VEZT: variants seen among roughly 807,000 people sequenced by gnomAD.
VEZT encodes vezatin.
In VEZT, 39 loss-of-function variants were observed where a neutral mutation model predicts 79.9. That is an observed-to-expected ratio of 0.49 (90% CI 0.38 to 0.64). The LOEUF is 0.64. Among genes scored for constraint, VEZT ranks in the 30% least tolerant of loss-of-function variants. The pLI is 0.00. For synonymous variants in VEZT, 325 were observed against 327.6 expected (o/e 0.99, Z 0.09); for missense variants, 837 against 893.1 (o/e 0.94, Z 0.80).
intron 1 of VEZT, among the ~76,000 whole-genome samples, chr12:95,245,956 G>A (rs1333977055): frequency 6.6e-6 from 1 of 152,204 alleles, no homozygotes; most frequent in African/African-American, 2.4e-5. Flanking sequence ...TCCAGCCTGG[G>A]TGACAGAGAA....
At chr12:95,269,688 A>G (rs2066220662) in intron 5 of VEZT, 1 of 167,872 alleles carries the variant, frequency 6.0e-6, no homozygotes, top group African/African-American at 2.4e-5. Context: ...TCTCTAATAT[A>G]TGTTAGCAAG....
chr12:95,226,073 G>A (rs1484999802), intron 1 of VEZT, among the ~76,000 whole-genome samples: 3 of 149,028 alleles, frequency 2.0e-5, no homozygotes, highest in Non-Finnish European at 4.4e-5. Context: ...CTGCCTTGGT[G>A]ACAGATTGAG....
intron 1 of VEZT, among the ~76,000 whole-genome samples, chr12:95,246,796 T>A (rs1281711375): frequency 4.6e-5 from 7 of 152,184 alleles, no homozygotes; most frequent in Admixed American, 1.3e-4. Flanking sequence ...AAATTATAGT[T>A]TGAATCCAGT....
intron 1 of VEZT, among the ~76,000 whole-genome samples, chr12:95,246,338 G>T (rs2061716265): frequency 6.6e-6 from 1 of 152,112 alleles, no homozygotes; most frequent in African/African-American, 2.4e-5. Context: ...GGCCAAACTG[G>T]TCTCGAACTC....
chr12:95,278,797 C>T (rs755641795), intron 7 of VEZT, among the ~76,000 whole-genome samples: 7 of 152,232 alleles, frequency 4.6e-5, no homozygotes, highest in Admixed American at 3.3e-4. Flanking sequence ...GGCCTGGCAC[C>T]GTGGCTCACG....
At chr12:95,234,148 AT>A (rs1457108587) in intron 1 of VEZT, among the ~76,000 whole-genome samples, 1 of 151,954 alleles carries the variant, frequency 6.6e-6, no homozygotes, top group Non-Finnish European at 1.5e-5. Flanking sequence ...ACCCATTTGT[AT>A]TTTTTTCTTT....
rs1209081231 is a variant in VEZT at position 95,239,998 on chromosome 12, GAC to G, written c.37-11940_37-11939del. Among the ~76,000 whole-genome samples, 724 of 142,230 alleles carry G rather than the reference GAC, an allele frequency of 5.1e-3. 5 individuals carry two copies. Among genetic ancestry groups the G allele is most frequent in the African/African-American group, 6.6e-3 (251 of 37,902 alleles). 93.3% of individuals were successfully genotyped at this position (142,230 alleles called of 152,430 possible). ...AGAGAGAGAGGAGAGAGAGAGAGGA[GAC>G]AGAGAGAGAAAGAGAGAAAGAAAGG... On this transcript the variant is annotated intron_variant, in intron 1 of 11. Coordinates refer to ENST00000436874, the MANE Select transcript of VEZT (RefSeq NM_017599.4).
At chr12:95,262,735 A>T (rs968572407) in intron 3 of VEZT, among the ~76,000 whole-genome samples, 171 bp from the exon 4 acceptor site, 4 of 152,264 alleles carry the variant, frequency 2.6e-5, no homozygotes, top group Non-Finnish European at 4.4e-5. Flanking sequence ...TCACATTTAC[A>T]GTGAAAATAA....
At chr12:95,286,779 T>G in intron 8 of VEZT, 1 of 464,856 alleles carries the variant, frequency 2.2e-6, no homozygotes. Flanking sequence ...TCTTCAACTT[T>G]TTTACTTTTC....
intron 9 of VEZT, among the ~76,000 whole-genome samples, chr12:95,291,249 G>A (rs926810512): frequency 2.0e-5 from 3 of 152,246 alleles, no homozygotes; most frequent in Non-Finnish European, 4.4e-5. Context: ...ATGTGTGTGC[G>A]CATGTGTATG....
rs1420222192 is a variant in VEZT, at chr12:95,234,682, TA to T, written c.36+16797del. 1.3e-4 allele frequency among the ~76,000 whole-genome samples: 19 copies of T among 151,962 alleles called. 1 individual carries two copies. Among genetic ancestry groups the T allele is most frequent in the South Asian group, 4.1e-4 (2 of 4,820 alleles). ...TTTGTTTTTTATTTATTTATTTATT[TA>T]TTTTTTAATTGATCATTCTTGGGTG... On this transcript the variant is annotated intron_variant, in intron 1 of 11. Transcript: ENST00000436874.
At chr12:95,244,774 G>C (rs2061502757) in intron 1 of VEZT, among the ~76,000 whole-genome samples, 2 of 138,504 alleles carry the variant, frequency 1.4e-5, no homozygotes, top group Admixed American at 1.4e-4. Context: ...ATTTTTTTTG[G>C]TGTGTTTTTT....
intron 9 of VEZT, among the ~76,000 whole-genome samples, chr12:95,290,406 G>A (rs2072433614): frequency 6.6e-6 from 1 of 152,152 alleles, no homozygotes; most frequent in Admixed American, 6.5e-5. Context: ...GCTAGGCTTT[G>A]GGAGGTGACT....
At chr12:95,220,020 C>T (rs1457564225) in intron 1 of VEZT, among the ~76,000 whole-genome samples, 2 of 152,184 alleles carry the variant, frequency 1.3e-5, no homozygotes, top group Middle Eastern at 3.4e-3. Context: ...GAAAAATTTC[C>T]AGTTTGCTGT....
chr12:95,284,292 T>C (rs893757602), intron 8 of VEZT, among the ~76,000 whole-genome samples: 1 of 152,206 alleles, frequency 6.6e-6, no homozygotes, highest in East Asian at 1.9e-4. Flanking sequence ...AACTAAATAA[T>C]TGTTTTGTGT....
At chr12:95,254,621 G>C (rs1267926750) in intron 2 of VEZT, among the ~76,000 whole-genome samples, 6 of 152,102 alleles carry the variant, frequency 3.9e-5, no homozygotes, top group Non-Finnish European at 8.8e-5. Context: ...TGAGATTACA[G>C]GCATGAGCCA....
At chr12:95,230,507 T>C (rs192922102) in intron 1 of VEZT, among the ~76,000 whole-genome samples, 2 of 151,176 alleles carry the variant, frequency 1.3e-5, no homozygotes, top group East Asian at 3.9e-4. Flanking sequence ...AGCCTTGAAC[T>C]CCTAGGCTCC....
chr12:95,275,935 A>G (rs1005677586), intron 7 of VEZT: 1 of 152,180 alleles, frequency 6.6e-6, no homozygotes, highest in South Asian at 2.1e-4. Flanking sequence ...TTTTCATTTT[A>G]GTAATGAAAG....
At chr12:95,229,249 T>C (rs1468133378) in intron 1 of VEZT, among the ~76,000 whole-genome samples, 1 of 152,260 alleles carries the variant, frequency 6.6e-6, no homozygotes, top group Non-Finnish European at 1.5e-5. Flanking sequence ...CTCTTTTATG[T>C]ATTTTTTATT....
Sources: gnomAD v4.1 joint callset for allele counts (sites outside exome capture counted in the v4.1 genomes callset) on GRCh38, gnomAD v4.1.1 for gene constraint, MANE v1.5 for transcripts, NCBI Gene and HGNC (gene_info 2026-07-23, HGNC 2026-07-21) for gene names.